Variants in TLK2 observed in about 807,000 individuals in gnomAD.
TLK2 encodes tousled like kinase 2.
A neutral mutation model predicts 117.3 loss-of-function variants in TLK2; 6 were observed. The observed-to-expected ratio is 0.05, with a 90% CI of 0.03 to 0.10. The LOEUF is 0.10. TLK2 is among the 10% of genes least tolerant of loss of function. The pLI, the probability that TLK2 is intolerant of heterozygous loss-of-function variation, is 1.00. For missense variants in TLK2, 299 were observed against 901.2 expected (o/e 0.33, Z 8.56); for synonymous variants, 257 against 316.7 (o/e 0.81, Z 2.00).
At chr17:62,573,091 TACTTG>T in intron 11 of TLK2, 119 bp from the exon 12 acceptor site, 5 of 1,061,990 alleles carry the variant, frequency 4.7e-6, no homozygotes, top group Non-Finnish European at 6.7e-6. Context: ...ATCAAATCTC[TACTTG>T]ACTTAAAGGG....
chr17:62,515,751 T>G (rs2075527707), intron 2 of TLK2, among the ~76,000 whole-genome samples: 1 of 152,220 alleles, frequency 6.6e-6, no homozygotes, highest in Non-Finnish European at 1.5e-5. Flanking sequence ...ATATGTAAAT[T>G]GCAAGCATTT....
At chr17:62,575,783 A>G (rs1405188436) in intron 12 of TLK2, among the ~76,000 whole-genome samples, 1 of 151,898 alleles carries the variant, frequency 6.6e-6, no homozygotes, top group East Asian at 1.9e-4. Flanking sequence ...TATAGCCTCA[A>G]CCTTCTGGGC....
intron 6 of TLK2, among the ~76,000 whole-genome samples, chr17:62,530,386 G>A (rs985351124): frequency 2.6e-5 from 4 of 152,136 alleles, no homozygotes; most frequent in Non-Finnish European, 5.9e-5. Context: ...AGGATTCCTC[G>A]AGCCTAGGAG....
At chr17:62,487,334 A>C (rs1031887416) in intron 2 of TLK2, among the ~76,000 whole-genome samples, 2 of 151,358 alleles carry the variant, frequency 1.3e-5, no homozygotes, top group African/African-American at 4.8e-5. Flanking sequence ...AAAATGAAAG[A>C]ATTGTTTCCA....
Position 62,557,861 on chromosome 17 carries a change from AAT to A in TLK2, c.721-2152_721-2151del, listed in dbSNP as rs1189665089. ...TGTTTGCTTATGTTTTCTAATAAGCAATATGTTTCCTTCACTCACTACTGTCC... is the reference window on the plus strand; with the variant it reads ...TGTTTGCTTATGTTTTCTAATAAGCAATGTTTCCTTCACTCACTACTGTCC... On this transcript the variant is annotated intron_variant, in intron 9 of 21. Coordinates refer to ENST00000346027, the MANE Select transcript of TLK2 (RefSeq NM_006852.6). Among the ~76,000 whole-genome samples, 29 of 152,370 alleles carry A rather than the reference AAT, an allele frequency of 1.9e-4. No individual in the cohort carries two copies. The East Asian group carries it at 4.4e-3, about 23-fold the overall frequency.
chr17:62,475,001 G>C (rs556744786), upstream of TLK2, among the ~76,000 whole-genome samples: 2 of 152,248 alleles, frequency 1.3e-5, no homozygotes, highest in East Asian at 3.9e-4. Context: ...AGCAGAGATT[G>C]TGCCATTGCA....
chr17:62,476,557 C>T (rs528787055), upstream of TLK2, among the ~76,000 whole-genome samples: 10 of 150,612 alleles, frequency 6.6e-5, no homozygotes, highest in East Asian at 2.0e-4. Context: ...CACTTCAGCC[C>T]GGGCGACAGT....
chr17:62,605,123 C>T (rs375784635), intron 19 of TLK2, among the ~76,000 whole-genome samples: 1 of 151,738 alleles, frequency 6.6e-6, no homozygotes, highest in Non-Finnish European at 1.5e-5. Context: ...GTCAGGAAAT[C>T]GAGACCATCC....
chr17:62,488,043 G>A (rs1470518255), intron 2 of TLK2, among the ~76,000 whole-genome samples: 1 of 152,026 alleles, frequency 6.6e-6, no homozygotes, highest in African/African-American at 2.4e-5. Flanking sequence ...GGGTTCAAGC[G>A]ATTCTGCTGC....
chr17:62,538,033 G>GTTTTTTTTTT (rs57512334), intron 7 of TLK2, among the ~76,000 whole-genome samples: 5 of 106,186 alleles, frequency 4.7e-5, no homozygotes, highest in African/African-American at 7.2e-5. Context: ...TTAAATCTTT[G>GTTTTTTTTTT]TTTTTTTTTT....
intron 6 of TLK2, among the ~76,000 whole-genome samples, chr17:62,534,720 T>C (rs2076989526): frequency 6.6e-6 from 1 of 151,994 alleles, no homozygotes; most frequent in African/African-American, 2.4e-5. Context: ...TTTTTTACAT[T>C]GGCTAAAACT....
intron 10 of TLK2, among the ~76,000 whole-genome samples, chr17:62,564,485 G>A (rs545319783): frequency 4.8e-5 from 7 of 144,734 alleles, no homozygotes; most frequent in Admixed American, 1.4e-4. Flanking sequence ...GCAGTGAGCC[G>A]AGATCCCACC....
chr17:62,472,657 G>C lies in TLK2; in HGVS notation c.-205+1579G>C, dbSNP rs572479125. On this transcript the variant is annotated intron_variant, in intron 1 of 4. Coordinates refer to the TLK2 transcript ENST00000579450. ...CTAGGCTGAAGCAGGAGAATCTCTT[G>C]AATCCAGGAGGCCCAGGTTGCAGTG... Among the ~76,000 whole-genome samples the C allele has an allele frequency of 1.2e-4, 18 of 151,734 alleles. No individual in the cohort carries two copies. The South Asian group carries it at 3.5e-3, about 30-fold the overall frequency.
chr17:62,582,683 T>A (rs1157306342), intron 15 of TLK2, among the ~76,000 whole-genome samples: 2 of 152,236 alleles, frequency 1.3e-5, no homozygotes, highest in Non-Finnish European at 2.9e-5. Flanking sequence ...TTAACCATTT[T>A]TAAGTGTGTA....
intron 2 of TLK2, chr17:62,516,370 A>G: frequency 3.2e-6 from 5 of 1,561,916 alleles, no homozygotes; most frequent in Non-Finnish European, 3.5e-6. Flanking sequence ...TCTAAACTAG[A>G]ATTCGGTTGC....
At chr17:62,520,338 G>C (rs1276523922) in intron 2 of TLK2, among the ~76,000 whole-genome samples, 1 of 152,138 alleles carries the variant, frequency 6.6e-6, no homozygotes, top group African/African-American at 2.4e-5. Flanking sequence ...ACAGAAGTCA[G>C]GGCAGGATGA....
chr17:62,484,144 A>G (rs1321041382), intron 2 of TLK2, among the ~76,000 whole-genome samples: 1 of 151,624 alleles, frequency 6.6e-6, no homozygotes, highest in Non-Finnish European at 1.5e-5. Flanking sequence ...TGTTACTTTG[A>G]TATTTCCAGT....
At chr17:62,502,589 A>T (rs531976489) in intron 2 of TLK2, among the ~76,000 whole-genome samples, 1 of 152,332 alleles carries the variant, frequency 6.6e-6, no homozygotes, top group East Asian at 1.9e-4. Flanking sequence ...ACAAAGTAAA[A>T]GTAAAACTAT....
chr17:62,580,802 CT>C (rs1280553826), intron 15 of TLK2, among the ~76,000 whole-genome samples: 9 of 152,170 alleles, frequency 5.9e-5, no homozygotes, highest in African/African-American at 2.2e-4. Flanking sequence ...TTTCTGGCAC[CT>C]GTCTGTAAAG....
Sources: allele counts gnomAD v4.1 joint callset (sites outside exome capture counted in the v4.1 genomes callset), GRCh38; gene constraint gnomAD v4.1.1; transcripts MANE v1.5; gene names NCBI Gene and HGNC (gene_info 2026-07-23, HGNC 2026-07-21).